The following TRIM36 variants were observed in gnomAD, a reference collection of about 807,000 sequenced individuals.
TRIM36 encodes the protein tripartite motif containing 36, also known as E3 ubiquitin-protein ligase TRIM36.
In TRIM36, 42 loss-of-function variants were observed where a neutral mutation model predicts 72.4. The ratio of observed to expected loss-of-function variants is 0.58; its 90% CI spans 0.45 to 0.75. TRIM36 has a LOEUF of 0.75. TRIM36 is among the 30% of genes least tolerant of loss of function. The pLI is 0.00. For missense variants in TRIM36, 913 were observed against 857.1 expected (o/e 1.07, Z -0.81); for synonymous variants, 315 against 282.8 (o/e 1.11, Z -1.14).
At chr5:115,140,585 AC>A (rs1042921592) in intron 5 of TRIM36, among the ~76,000 whole-genome samples, 7 of 151,440 alleles carry the variant, frequency 4.6e-5, no homozygotes, top group Admixed American at 4.0e-4. Context: ...ACACTAACCT[AC>A]CCCCCTCCTC....
At chr5:115,155,820 T>C (rs544752677) in intron 2 of TRIM36, among the ~76,000 whole-genome samples, 1 of 152,168 alleles carries the variant, frequency 6.6e-6, no homozygotes, top group East Asian at 1.9e-4. Context: ...GCCAGAGCAA[T>C]CAGACATAAA....
Position 115,147,237 on chromosome 5 carries a change from G to C in TRIM36, c.420C>G (p.Ala140=), listed in dbSNP as rs1753640495. 1 of 1,614,154 alleles carries C rather than the reference G, an allele frequency of 6.2e-7. No homozygotes were observed. Among genetic ancestry groups the C allele is most frequent in the East Asian group, 2.2e-5 (1 of 44,874 alleles). ...VERYRQAARA[A]TAIMCDLCKP... ...TACAAAGGTCACACATAATGGCTGTGGCTGCCCTAGCTGCTTGACGATATC... is the reference window on the plus strand; with the variant it reads ...TACAAAGGTCACACATAATGGCTGTCGCTGCCCTAGCTGCTTGACGATATC... The change falls in exon 3 of 10, where the codon GCC becomes GCG. Residue 140 remains alanine (A), a synonymous_variant. Transcript: ENST00000513154.
intron 9 of TRIM36, among the ~76,000 whole-genome samples, chr5:115,128,466 G>C (rs1050024756): frequency 1.3e-5 from 2 of 151,702 alleles, no homozygotes; most frequent in Admixed American, 6.6e-5. Flanking sequence ...AAAATTGAAA[G>C]TTTAGGCCGG....
At chr5:115,171,168 C>A, upstream of TRIM36, 1 of 1,614,202 alleles carries the variant, frequency 6.2e-7, no homozygotes, top group South Asian at 1.1e-5. Flanking sequence ...GTGGCAAGTT[C>A]CGTCGTCTTC....
chr5:115,129,357 A>G (rs1242915431), intron 9 of TRIM36, among the ~76,000 whole-genome samples: 3 of 152,066 alleles, frequency 2.0e-5, no homozygotes, highest in Non-Finnish European at 2.9e-5. Context: ...GAGGTCGGGA[A>G]TTCGAGACCA....
At chr5:115,147,685 T>A (rs1753670419) in intron 2 of TRIM36, among the ~76,000 whole-genome samples, 2 of 152,140 alleles carry the variant, frequency 1.3e-5, no homozygotes, top group African/African-American at 4.8e-5. Flanking sequence ...ATAAAACACG[T>A]AATACAATAC....
At chr5:115,155,558 A>G (rs985387111) in intron 2 of TRIM36, among the ~76,000 whole-genome samples, 4 of 152,248 alleles carry the variant, frequency 2.6e-5, no homozygotes, top group African/African-American at 9.6e-5. Context: ...AATTAAAAAC[A>G]AAAATCACAT....
In TRIM36 at chr5:115,177,879, AAGAGAGAGACAGAG is replaced by A. The variant is rs761313080; in HGVS notation, c.63+2082_63+2095del. 4 of 1,613,738 alleles carry A rather than the reference AAGAGAGAGACAGAG, an allele frequency of 2.5e-6. No homozygotes were observed. The African/African-American group carries it at 4.0e-5, about 16-fold the overall frequency. On this transcript the variant is annotated intron_variant, in intron 1 of 9. Coordinates refer to the TRIM36 transcript ENST00000282369. ...GCAGGCCCATTGCTGAAGCCTAGTG[AAGAGAGAGACAGAG>A]AGAGAGAGAGCAGAGAAATCCAGTA...
chr5:115,180,102 T>G, exon 1 of TRIM36: 2 of 1,529,972 alleles, frequency 1.3e-6, no homozygotes, highest in Non-Finnish European at 1.8e-6. Flanking sequence ...CTTTCTTTTC[T>G]CTTTTTCTGT....
upstream of TRIM36, chr5:115,180,236 C>T: frequency 1.9e-6 from 1 of 513,158 alleles, no homozygotes. Context: ...TCCCGGGCAG[C>T]CTCGCCCGGC....
intron 3 of TRIM36, 131 bp downstream of exon 3, chr5:115,146,938 T>C (rs369763907): frequency 4.0e-6 from 4 of 993,432 alleles, no homozygotes; most frequent in African/African-American, 3.3e-5. Flanking sequence ...TAAGTTCTTA[T>C]ACCTGCTTTT....
chr5:115,166,890 C>T (rs1400486890), intron 1 of TRIM36, among the ~76,000 whole-genome samples: 9 of 152,250 alleles, frequency 5.9e-5, no homozygotes, highest in East Asian at 3.9e-4. Context: ...AAGGAGCCGG[C>T]GCCCATACTG....
chr5:115,143,616 T>C (rs982040808), intron 4 of TRIM36, among the ~76,000 whole-genome samples: 2 of 151,946 alleles, frequency 1.3e-5, no homozygotes, highest in Non-Finnish European at 2.9e-5. Context: ...ACAACATAAA[T>C]ATAAAATGCA....
chr5:115,162,755 TC>T (rs1205078803), intron 2 of TRIM36, among the ~76,000 whole-genome samples: 8 of 151,996 alleles, frequency 5.3e-5, no homozygotes, highest in Non-Finnish European at 1.0e-4. Flanking sequence ...ATGCTGTCTT[TC>T]CCTCCTCAGT....
chr5:115,172,397 T>G (rs1304682190), upstream of TRIM36, among the ~76,000 whole-genome samples: 2 of 152,126 alleles, frequency 1.3e-5, no homozygotes, highest in East Asian at 3.9e-4. Flanking sequence ...ATTCATACCA[T>G]GGAATACTAT....
chr5:115,134,495 A>G (rs1752860692), intron 7 of TRIM36, among the ~76,000 whole-genome samples: 1 of 151,988 alleles, frequency 6.6e-6, no homozygotes, highest in Non-Finnish European at 1.5e-5. Flanking sequence ...ACAAACTATT[A>G]TTTTAATATT....
intron 2 of TRIM36, among the ~76,000 whole-genome samples, chr5:115,150,199 T>C (rs1753815133): frequency 1.3e-5 from 2 of 152,216 alleles, no homozygotes; most frequent in Admixed American, 6.5e-5. Flanking sequence ...TTCTGGGAAG[T>C]AATATCCTTA....
intron 1 of TRIM36, among the ~76,000 whole-genome samples, chr5:115,165,185 T>G (rs375226980): frequency 6.6e-6 from 1 of 152,120 alleles, no homozygotes; most frequent in African/African-American, 2.4e-5. Flanking sequence ...CCCAGGCGCA[T>G]GATGAAAGCT....
intron 5 of TRIM36, among the ~76,000 whole-genome samples, chr5:115,138,965 G>A (rs894531678): frequency 1.6e-4 from 23 of 147,322 alleles, no homozygotes; most frequent in African/African-American, 5.5e-4. Context: ...ACGGGCGCCC[G>A]CCACCACACC....
Sources: allele counts gnomAD v4.1 joint callset (sites outside exome capture counted in the v4.1 genomes callset), GRCh38; gene constraint gnomAD v4.1.1; transcripts MANE v1.5; gene names NCBI Gene and HGNC (gene_info 2026-07-23, HGNC 2026-07-21).